ABCC4: variants seen among roughly 807,000 people sequenced by gnomAD.
ABCC4 encodes ATP binding cassette subfamily C member 4 (PEL blood group).
Under a neutral mutation model 168.5 loss-of-function variants are expected in ABCC4, and 102 were observed. The ratio of observed to expected loss-of-function variants is 0.61; its 90% confidence interval spans 0.52 to 0.71. The LOEUF is 0.71. ABCC4 is among the 30% of genes least tolerant of loss of function. The pLI, the probability that ABCC4 is intolerant of heterozygous loss-of-function variation, is 0.00. For synonymous variants in ABCC4, 617 were observed against 590.7 expected (o/e 1.04, Z -0.65); for missense variants, 1,402 against 1,605.8 (o/e 0.87, Z 2.17).
At chr13:95,111,284 C>A (rs939943303) in intron 20 of ABCC4, among the ~76,000 whole-genome samples, 1 of 152,130 alleles carries the variant, frequency 6.6e-6, no homozygotes, top group Non-Finnish European at 1.5e-5. Context: ...TTTGAAAAAG[C>A]AGACAAGAAA....
At chr13:95,284,099 C>T (rs1174626715) in intron 1 of ABCC4, among the ~76,000 whole-genome samples, 2 of 152,148 alleles carry the variant, frequency 1.3e-5, no homozygotes, top group Non-Finnish European at 1.5e-5. Context: ...ATCCCAGCTA[C>T]TGGGGAGGCT....
chr13:95,070,958 T>C (rs555023569), intron 25 of ABCC4, among the ~76,000 whole-genome samples: 25 of 152,278 alleles, frequency 1.6e-4, no homozygotes, highest in South Asian at 8.3e-4. Context: ...CCACATGTTG[T>C]GGGAGGGACC....
intron 1 of ABCC4, among the ~76,000 whole-genome samples, chr13:95,274,847 C>T (rs886082244): frequency 4.6e-5 from 7 of 152,148 alleles, no homozygotes; most frequent in Non-Finnish European, 1.0e-4. Context: ...GAGGCCGAGG[C>T]AGGCGGATCA....
chr13:95,099,743 C>A (rs1751058), intron 20 of ABCC4, among the ~76,000 whole-genome samples: 1 of 151,990 alleles, frequency 6.6e-6, no homozygotes, highest in Non-Finnish European at 1.5e-5. Context: ...CCCTTTGCTG[C>A]GATGCACAAG....
At chr13:95,025,826 A>T (rs998201223) in intron 30 of ABCC4, among the ~76,000 whole-genome samples, 9 of 152,168 alleles carry the variant, frequency 5.9e-5, no homozygotes, top group African/African-American at 2.2e-4. Context: ...TGCATAACAG[A>T]GATACAAAAA....
intron 4 of ABCC4, among the ~76,000 whole-genome samples, chr13:95,222,295 T>C (rs936571625): frequency 5.9e-5 from 9 of 152,236 alleles, no homozygotes; most frequent in Non-Finnish European, 1.0e-4. Flanking sequence ...CCCACTCCTC[T>C]GCCTCAGAAC....
At chr13:95,113,286 G>A (rs1366807854) in intron 20 of ABCC4, among the ~76,000 whole-genome samples, 1 of 152,136 alleles carries the variant, frequency 6.6e-6, no homozygotes, top group Non-Finnish European at 1.5e-5. Context: ...TAATTCAGGA[G>A]ACTACTTAGA....
At position 95,291,009 on chromosome 13, in the gene ABCC4, A is replaced by AAAAAAAAAAAG. The variant is rs1394530639; in HGVS notation, c.74+10231_74+10232insCTTTTTTTTTT. ...CAAGACCCTGTCTCAAAAAAAAAAA[A>AAAAAAAAAAAG]AGAGGAAACCATGCCAAATGACTTT... On this transcript the variant is annotated intron_variant, in intron 1 of 30. Transcript: ENST00000645237. Among the ~76,000 whole-genome samples, 2 of 123,354 alleles carry AAAAAAAAAAAG rather than the reference A, an allele frequency of 1.6e-5. 1 individual carries two copies. The highest frequency in any genetic ancestry group is 3.5e-5 in the Non-Finnish European group (2 of 57,852). 80.9% of individuals were successfully genotyped at this position (123,354 alleles called of 152,430 possible).
intron 1 of ABCC4, among the ~76,000 whole-genome samples, chr13:95,249,281 T>C (rs554686432): frequency 6.6e-5 from 10 of 152,048 alleles, no homozygotes; most frequent in African/African-American, 1.9e-4. Context: ...ATAACTTTGA[T>C]AGATGCAATT....
chr13:95,145,108 C>A (rs2036449038), intron 19 of ABCC4, among the ~76,000 whole-genome samples: 1 of 152,108 alleles, frequency 6.6e-6, no homozygotes, highest in Non-Finnish European at 1.5e-5. Flanking sequence ...CATCTCACAC[C>A]AGTCAGAAGA....
chr13:95,288,698 C>T (rs750773471), intron 1 of ABCC4, among the ~76,000 whole-genome samples: 3 of 151,622 alleles, frequency 2.0e-5, no homozygotes, highest in African/African-American at 2.4e-5. Context: ...TCCAGCTACT[C>T]GGGAGGCTGA....
At chr13:95,059,979 C>T (rs1181089200) in intron 26 of ABCC4, among the ~76,000 whole-genome samples, 1 of 152,208 alleles carries the variant, frequency 6.6e-6, no homozygotes, top group East Asian at 1.9e-4. Flanking sequence ...ACACTTCTAT[C>T]AGGCAGTGCT....
intron 1 of ABCC4, among the ~76,000 whole-genome samples, chr13:95,256,210 G>A (rs1215261710): frequency 6.6e-6 from 1 of 152,188 alleles, no homozygotes; most frequent in African/African-American, 2.4e-5. Context: ...AGCTGAGACT[G>A]GAGGTGCATG....
At chr13:95,044,808 CCTT>C (rs1341322881) in intron 27 of ABCC4, among the ~76,000 whole-genome samples, 1 of 152,104 alleles carries the variant, frequency 6.6e-6, no homozygotes, top group African/African-American at 2.4e-5. Context: ...AAAAAAATTC[CCTT>C]CTTTTTAGTT....
intron 1 of ABCC4, among the ~76,000 whole-genome samples, chr13:95,298,553 G>A (rs2138973930): frequency 6.6e-6 from 1 of 152,290 alleles, no homozygotes; most frequent in East Asian, 1.9e-4. Flanking sequence ...TGCTCTGAGT[G>A]CTATGCTTTG....
intron 1 of ABCC4, among the ~76,000 whole-genome samples, chr13:95,280,533 C>T (rs1270002029): frequency 6.8e-6 from 1 of 146,700 alleles, no homozygotes; most frequent in Non-Finnish European, 1.5e-5. Context: ...CTGATATAGT[C>T]AGTCACTAGT....
intron 25 of ABCC4, among the ~76,000 whole-genome samples, chr13:95,066,285 C>T (rs1192720162): frequency 2.6e-5 from 4 of 152,250 alleles, no homozygotes; most frequent in Admixed American, 6.5e-5. Context: ...CTTGTCCCCT[C>T]GTGTGGATTT....
At chr13:95,069,655 T>A (rs1045364099) in intron 25 of ABCC4, among the ~76,000 whole-genome samples, 2 of 152,146 alleles carry the variant, frequency 1.3e-5, no homozygotes, top group African/African-American at 4.8e-5. Flanking sequence ...ACTTTCTGTC[T>A]CCATGACTAA....
chr13:95,286,956 CAAA>C (rs34188007), intron 1 of ABCC4, among the ~76,000 whole-genome samples: 5 of 118,862 alleles, frequency 4.2e-5, no homozygotes, highest in African/African-American at 6.3e-5. Flanking sequence ...AACTCTGTCT[CAAA>C]AAAAAAAAAA....
Sources: gnomAD v4.1 joint callset for allele counts (sites outside exome capture counted in the v4.1 genomes callset) on GRCh38, gnomAD v4.1.1 for gene constraint, MANE v1.5 for transcripts, NCBI Gene and HGNC (gene_info 2026-07-23, HGNC 2026-07-21) for gene names.